SLC25A40: variants seen among roughly 807,000 people sequenced by gnomAD.
SLC25A40 encodes the protein solute carrier family 25 member 40.
In SLC25A40, 41 loss-of-function variants were observed where a neutral mutation model predicts 46.5. The ratio of observed to expected loss-of-function variants is 0.88; its 90% CI spans 0.69 to 1.14. SLC25A40 has a LOEUF of 1.14. Among genes scored for constraint, SLC25A40 ranks in the 50% most tolerant of loss-of-function variants. The pLI is 0.00. For missense variants in SLC25A40, 386 were observed against 393.6 expected, an observed-to-expected ratio of 0.98 and a Z score of 0.16; for synonymous variants, 126 against 127.5, an observed-to-expected ratio of 0.99 and a Z score of 0.08.
At chr7:87,848,506 C>T (rs748400527) in intron 6 of SLC25A40, among the ~76,000 whole-genome samples, 33 of 152,210 alleles carry the variant, frequency 2.2e-4, no homozygotes, top group Non-Finnish European at 4.1e-4. Flanking sequence ...TCTTCTTTCT[C>T]ATTCATAATT....
At chr7:87,864,845 T>C (rs1838763594) in intron 1 of SLC25A40, among the ~76,000 whole-genome samples, 2 of 152,218 alleles carry the variant, frequency 1.3e-5, no homozygotes, top group South Asian at 2.1e-4. Context: ...ACTGCCCTTT[T>C]GTTGTTTCTT....
At chr7:87,853,597 CA>C (rs1410131335) in intron 5 of SLC25A40, among the ~76,000 whole-genome samples, 1 of 152,042 alleles carries the variant, frequency 6.6e-6, no homozygotes, top group Non-Finnish European at 1.5e-5. Context: ...ATATCATGAG[CA>C]ATAAAAAGGA....
Position 87,843,788 on chromosome 7 carries a change from A to G in SLC25A40, c.707T>C (p.Met236Thr), listed in dbSNP as rs1490907851. 2.5e-6 allele frequency: 4 copies of G among 1,611,376 alleles called. No homozygotes were observed. The highest frequency in any genetic ancestry group is 3.4e-6 in the Non-Finnish European group (4 of 1,178,292). ...EKSGLYEPTFMINFTSGALSG... is the reference protein window; with the variant it reads ...EKSGLYEPTFTINFTSGALSG... ...CAATGCCCCTGAAGTAAAGTTGATCATAAATGTTGGCTCATATAAACCAGA... is the reference window on the plus strand; with the variant it reads ...CAATGCCCCTGAAGTAAAGTTGATCGTAAATGTTGGCTCATATAAACCAGA... Residue 236 changes from methionine (M) to threonine (T), a missense_variant, in exon 9 of 12, where the codon ATG becomes ACG. Met to Thr is a moderately conservative substitution (Grantham distance 81). Coordinates refer to ENST00000341119, the MANE Select transcript of SLC25A40 (RefSeq NM_018843.4).
chr7:87,870,274 CA>C (rs1275350869), intron 1 of SLC25A40, among the ~76,000 whole-genome samples: 1 of 151,532 alleles, frequency 6.6e-6, no homozygotes, highest in East Asian at 1.9e-4. Flanking sequence ...CTTCAACATA[CA>C]AAAGTTTTAA....
intron 9 of SLC25A40, 71 bp downstream of exon 9, chr7:87,843,683 T>G: frequency 9.0e-7 from 1 of 1,112,344 alleles, no homozygotes; most frequent in Non-Finnish European, 1.3e-6. Flanking sequence ...ATACATGAGA[T>G]GCTATATTTT....
At chr7:87,871,907 C>T (rs7801337) in intron 1 of SLC25A40, among the ~76,000 whole-genome samples, 21,723 of 152,114 alleles carry the variant, frequency 0.14, 2,510 homozygotes, top group African/African-American at 0.32. Flanking sequence ...AGTTAGTGTA[C>T]TTCAAGTAAT....
intron 1 of SLC25A40, among the ~76,000 whole-genome samples, chr7:87,861,829 T>C (rs1838703649): frequency 6.6e-6 from 1 of 152,182 alleles, no homozygotes; most frequent in African/African-American, 2.4e-5. Context: ...ATTATATTTC[T>C]AGCCATCAGA....
In SLC25A40 at chr7:87,842,097, T is replaced by C. The variant is rs994288709; in HGVS notation, c.742-383A>G. 12 of 291,926 alleles carry C rather than the reference T, an allele frequency of 4.1e-5. No individual in the cohort carries two copies. The Admixed American group carries it at 5.2e-4, about 13-fold the overall frequency. The allele number at this position is 291,926 out of a possible 1,614,324, so 18.1% of individuals were successfully genotyped here. On this transcript the variant is annotated intron_variant, in intron 9 of 11. Coordinates refer to ENST00000341119, the MANE Select transcript of SLC25A40 (RefSeq NM_018843.4). ...GTCAAAGCAGAAATTCTCAAGTATC[T>C]AGTGAGCATTTAAAAATTTCCAGCA...
intron 1 of SLC25A40, among the ~76,000 whole-genome samples, chr7:87,863,369 A>G (rs747781667): frequency 2.6e-5 from 4 of 152,056 alleles, no homozygotes; most frequent in Non-Finnish European, 5.9e-5. Context: ...TGATGGTTTT[A>G]TAAGGGGCTT....
chr7:87,853,901 T>G (rs1336727008), intron 5 of SLC25A40, among the ~76,000 whole-genome samples: 1 of 152,224 alleles, frequency 6.6e-6, no homozygotes, highest in Non-Finnish European at 1.5e-5. Flanking sequence ...GGTGACACTA[T>G]TAGTTTTGTA....
At chr7:87,850,041 G>T in intron 5 of SLC25A40, 93 bp from the exon 6 acceptor site, 16 of 757,154 alleles carry the variant, frequency 2.1e-5, no homozygotes, top group South Asian at 8.9e-5. Context: ...CATTCTTTCA[G>T]GTATTTATAT....
intron 10 of SLC25A40, among the ~76,000 whole-genome samples, chr7:87,838,989 A>C (rs1265208568): frequency 6.6e-6 from 1 of 151,586 alleles, no homozygotes; most frequent in Admixed American, 6.6e-5. Flanking sequence ...TGTTTTTAAC[A>C]ATCTTGCCAT....
intron 10 of SLC25A40, among the ~76,000 whole-genome samples, chr7:87,837,515 G>A (rs930832153): frequency 6.6e-6 from 1 of 150,782 alleles, no homozygotes; most frequent in Non-Finnish European, 1.5e-5. Context: ...ATAACATCTC[G>A]CTTATTTGCA....
At chr7:87,857,924 T>C (rs185740940) in intron 3 of SLC25A40, among the ~76,000 whole-genome samples, 1 of 152,318 alleles carries the variant, frequency 6.6e-6, no homozygotes, top group East Asian at 1.9e-4. Flanking sequence ...AGGGAAGATA[T>C]TGCTAAATTA....
At chr7:87,873,212 C>G (rs1290305682) in intron 1 of SLC25A40, among the ~76,000 whole-genome samples, 1 of 151,714 alleles carries the variant, frequency 6.6e-6, no homozygotes, top group Non-Finnish European at 1.5e-5. Context: ...AATTGCTGAG[C>G]CAGGTGAAGA....
At position 87,858,723 on chromosome 7, in the gene SLC25A40, T is replaced by A. The variant is rs780260204; in HGVS notation, c.5A>T (p.Asp2Val). ...AATCTCTTGTCCCCTTGTCTCAGGA[T>A]CCATATTTTTAACTAATTAAATAAA... MDPETRGQEIIK... is the reference protein window; with the variant it reads MVPETRGQEIIK... Residue 2 changes from aspartate (D) to valine (V), a missense_variant, in exon 3 of 12, where the codon GAT becomes GTT. By Grantham distance (152) the Asp-to-Val change is radical. Transcript: ENST00000341119. The A allele has an allele frequency of 1.2e-6, 2 of 1,607,426 alleles. No individual in the cohort carries two copies. Among genetic ancestry groups the A allele is most frequent in the African/African-American group, 2.7e-5 (2 of 74,774 alleles).
rs529549161 is a variant in SLC25A40, at chr7:87,834,798, TAAG to T, written c.*1448_*1450del. 9.3e-4 allele frequency: 141 copies of T among 151,816 alleles called. 1 individual carries two copies. The highest frequency in any genetic ancestry group is 3.2e-3 in the African/African-American group (133 of 41,530). 9.4% of individuals were successfully genotyped at this position (151,816 alleles called of 1,614,324 possible). ...ATATTTAGAAGCACAGTGATGATTT[TAAG>T]AAGCCATAAAACATTTTAATGAAAT... On this transcript the variant is annotated 3_prime_UTR_variant, in exon 12 of 12. Coordinates refer to ENST00000341119, the MANE Select transcript of SLC25A40 (RefSeq NM_018843.4).
At chr7:87,873,240 G>GAA in intron 1 of SLC25A40, among the ~76,000 whole-genome samples, 1 of 149,176 alleles carries the variant, frequency 6.7e-6, no homozygotes, top group South Asian at 2.1e-4. Flanking sequence ...GCAAAAGAAA[G>GAA]AAAAAAAAAG....
intron 2 of SLC25A40, among the ~76,000 whole-genome samples, chr7:87,859,911 C>T (rs1186615746): frequency 6.6e-6 from 1 of 151,886 alleles, no homozygotes; most frequent in Non-Finnish European, 1.5e-5. Context: ...AAACTTGATA[C>T]AGGGCCAGGT....
Sources: allele counts gnomAD v4.1 joint callset (sites outside exome capture counted in the v4.1 genomes callset), GRCh38; gene constraint gnomAD v4.1.1; transcripts MANE v1.5; gene names NCBI Gene and HGNC (gene_info 2026-07-23, HGNC 2026-07-21).